The following POFUT4 variants were observed in gnomAD, a reference collection of about 807,000 sequenced individuals.
POFUT4 encodes the protein GDP-fucose protein O-fucosyltransferase 4.
At chr10:73,773,931 A>C in the POFUT4 span, 26 of 1,172,666 alleles carry the variant, frequency 2.2e-5, no homozygotes, top group Non-Finnish European at 2.9e-5. Context: ...ACATGGGCTC[A>C]TTCTGTATTT....
the POFUT4 span, chr10:73,773,153 C>T: frequency 1.3e-6 from 2 of 1,562,054 alleles, no homozygotes; most frequent in Admixed American, 1.8e-5. Context: ...GCCTCCAGGG[C>T]CGCACCCTCA....
chr10:73,773,439 TC>T, the POFUT4 span: 1 of 1,614,218 alleles, frequency 6.2e-7, no homozygotes, highest in Non-Finnish European at 8.5e-7. Context: ...GAACAATCAC[TC>T]CGTCATCCTG....
the POFUT4 span, among the ~76,000 whole-genome samples, chr10:73,777,618 G>A: frequency 1.3e-5 from 2 of 150,912 alleles, no homozygotes; most frequent in South Asian, 2.1e-4. Context: ...GCAGTGGCGC[G>A]ATCTCAGCTT....
the POFUT4 span, chr10:73,772,645 G>A: frequency 6.4e-7 from 1 of 1,555,948 alleles, no homozygotes; most frequent in Non-Finnish European, 8.7e-7. Context: ...GCGCGTGCGT[G>A]GCGTCCCGGA....
At chr10:73,775,926 A>C in the POFUT4 span, 8 of 509,052 alleles carry the variant, frequency 1.6e-5, no homozygotes, top group East Asian at 2.5e-4. Flanking sequence ...CAGAACCCTA[A>C]AACATCCATT....
At chr10:73,775,247 T>C in the POFUT4 span, 1,257 of 629,012 alleles carry the variant, frequency 2.0e-3, 13 homozygotes, top group African/African-American at 0.02. Flanking sequence ...CCACTTCCAG[T>C]CTGGCCTCTG....
the POFUT4 span, chr10:73,774,140 A>G: frequency 2.0e-5 from 5 of 255,778 alleles, no homozygotes; most frequent in Admixed American, 2.5e-4. Flanking sequence ...GGACAAGGCT[A>G]TAAATATCAT....
chr10:73,773,516 G>T, the POFUT4 span: 2 of 1,614,072 alleles, frequency 1.2e-6, no homozygotes, highest in Admixed American at 1.7e-5. Context: ...AGAATGATGA[G>T]GAGTATATGA....
the POFUT4 span, chr10:73,775,842 G>A: frequency 1.3e-6 from 1 of 741,432 alleles, no homozygotes; most frequent in Non-Finnish European, 2.2e-6. Flanking sequence ...TCTTAATGAT[G>A]AGTAGCCAAG....
chr10:73,773,182 C>G, the POFUT4 span: 4 of 1,601,128 alleles, frequency 2.5e-6, no homozygotes, highest in Non-Finnish European at 3.4e-6. Flanking sequence ...TTACTGTACC[C>G]GGTCTAGGTA....
chr10:73,774,036 T>C, the POFUT4 span: 3 of 544,740 alleles, frequency 5.5e-6, no homozygotes, highest in African/African-American at 3.8e-5. Flanking sequence ...AATCAGCTTA[T>C]GTGAACAATG....
chr10:73,772,343 G>A, the POFUT4 span: 2 of 1,457,136 alleles, frequency 1.4e-6, no homozygotes, highest in South Asian at 1.5e-5. Flanking sequence ...CATGGCGGCC[G>A]GCCCCATTAG....
At chr10:73,778,082 T>C in the POFUT4 span, among the ~76,000 whole-genome samples, 4 of 149,936 alleles carry the variant, frequency 2.7e-5, no homozygotes, top group African/African-American at 9.8e-5. Context: ...CAGGCTGGTC[T>C]CGGACTCCTG....
the POFUT4 span, chr10:73,772,286 T>G: frequency 7.3e-7 from 1 of 1,369,544 alleles, no homozygotes; most frequent in Non-Finnish European, 9.5e-7. Context: ...GACTATCCGC[T>G]GGGCGGGGTC....
At chr10:73,772,634 G>C in the POFUT4 span, 4 of 1,556,868 alleles carry the variant, frequency 2.6e-6, no homozygotes, top group Non-Finnish European at 3.5e-6. Context: ...GTGTGCGCGC[G>C]GCGCGTGCGT....
chr10:73,775,810 A>G, the POFUT4 span: 2 of 1,001,852 alleles, frequency 2.0e-6, no homozygotes, highest in Non-Finnish European at 3.0e-6. Context: ...AAGGAATTCC[A>G]GTTTTATCTA....
At chr10:73,772,911 C>G in the POFUT4 span, 20 of 1,611,380 alleles carry the variant, frequency 1.2e-5, no homozygotes, top group Non-Finnish European at 1.6e-5. Context: ...CTGCGCCGCC[C>G]GGTGCCTCCG....
the POFUT4 span, among the ~76,000 whole-genome samples, chr10:73,777,184 T>G: frequency 5.3e-5 from 8 of 152,200 alleles, no homozygotes; most frequent in Admixed American, 4.6e-4. Context: ...ATCCTCTTTT[T>G]GATCAAAGAT....
the POFUT4 span, among the ~76,000 whole-genome samples, chr10:73,777,952 C>T: frequency 6.6e-6 from 1 of 151,498 alleles, no homozygotes; most frequent in African/African-American, 2.4e-5. Flanking sequence ...CTCTGCCTCC[C>T]AGGTTCAAGC....
Sources: gnomAD v4.1 joint callset for allele counts (sites outside exome capture counted in the v4.1 genomes callset) on GRCh38, gnomAD v4.1.1 for gene constraint, MANE v1.5 for transcripts, NCBI Gene and HGNC (gene_info 2026-07-23, HGNC 2026-07-21) for gene names.